TOMM20: variants seen among roughly 807,000 people sequenced by gnomAD.
TOMM20 encodes mitochondrial import receptor subunit TOM20 homolog.
Under a neutral mutation model 22.1 loss-of-function variants are expected in TOMM20, and 10 were observed. That is an observed-to-expected ratio of 0.45 (90% CI 0.28 to 0.77). TOMM20 has a LOEUF of 0.77. Among genes scored for constraint, TOMM20 ranks in the 30% least tolerant of loss-of-function variants. TOMM20 has a pLI of 0.13. For missense variants in TOMM20, 121 were observed against 172.2 expected, an observed-to-expected ratio of 0.70 and a Z score of 1.66; for synonymous variants, 55 against 61.4, an observed-to-expected ratio of 0.90 and a Z score of 0.49.
At chr1:235,125,637 T>A (rs563330467) in intron 1 of TOMM20, among the ~76,000 whole-genome samples, 3 of 151,848 alleles carry the variant, frequency 2.0e-5, no homozygotes, top group Admixed American at 6.6e-5. Context: ...ACTCAAAATT[T>A]AAAAAAAATT....
Position 235,122,319 on chromosome 1 carries a change from C to T in TOMM20, c.168+7G>A, listed in dbSNP as rs547354170. On this transcript the variant is annotated splice_region_variant and intron_variant, in intron 2 of 4. Transcript: ENST00000366607. Reference sequence around the variant, plus strand: ...ATATATAATTTAAACAGAAACCAGACTATTACCTTGGAAAGCCCAGCTCTC... The same window carrying T: ...ATATATAATTTAAACAGAAACCAGATTATTACCTTGGAAAGCCCAGCTCTC... 13 of 1,529,064 alleles carry T rather than the reference C, an allele frequency of 8.5e-6. No homozygotes were observed. The highest frequency in any genetic ancestry group is 2.1e-5 in the Admixed American group (1 of 47,402). 94.7% of individuals were successfully genotyped at this position (1,529,064 alleles called of 1,614,324 possible). A position where few individuals can be genotyped will look rare whatever the true frequency, so the allele number is the denominator to read the frequency against.
At chr1:235,125,378 C>T (rs919354728) in intron 1 of TOMM20, among the ~76,000 whole-genome samples, 4 of 152,116 alleles carry the variant, frequency 2.6e-5, no homozygotes, top group Admixed American at 1.3e-4. Flanking sequence ...CCATGCCCGG[C>T]TAAGTTTTTC....
chr1:235,116,028 T>C lies in TOMM20; in HGVS notation c.251-2118A>G, dbSNP rs527831279. 2.3e-3 allele frequency among the ~76,000 whole-genome samples: 350 copies of C among 152,342 alleles called. 2 individuals carry two copies. The highest frequency in any genetic ancestry group is 8.2e-3 in the African/African-American group (342 of 41,570). ...TATTGCAGTGAATAACGAGCTGTCC[T>C]TTGTCTCTAGCCCAGTGGTCTCATG... On this transcript the variant is annotated intron_variant, in intron 3 of 4. Transcript: ENST00000366607.
At chr1:235,113,386 G>A (rs948702094) in intron 4 of TOMM20, among the ~76,000 whole-genome samples, 1 of 152,156 alleles carries the variant, frequency 6.6e-6, no homozygotes, top group Non-Finnish European at 1.5e-5. Flanking sequence ...GTTTAGGCCC[G>A]AATGTGTAGG....
At chr1:235,117,001 G>A (rs374223995) in intron 3 of TOMM20, among the ~76,000 whole-genome samples, 111 of 151,390 alleles carry the variant, frequency 7.3e-4, no homozygotes, top group East Asian at 7.3e-3. Flanking sequence ...CGGGCGTGGT[G>A]GTGGGCGCCT....
intron 4 of TOMM20, 49 bp downstream of exon 4, chr1:235,113,719 C>A (rs763215775): frequency 6.4e-7 from 1 of 1,555,652 alleles, no homozygotes; most frequent in Admixed American, 2.0e-5. Context: ...CCTAATCATT[C>A]GATTCTAAAT....
intron 1 of TOMM20, among the ~76,000 whole-genome samples, chr1:235,125,916 A>G (rs1661009488): frequency 7.0e-6 from 1 of 141,866 alleles, no homozygotes; most frequent in Non-Finnish European, 1.6e-5. Context: ...CGCCCAGCTA[A>G]TTTTTTTTTT....
intron 3 of TOMM20, among the ~76,000 whole-genome samples, chr1:235,118,361 C>A (rs945571605): frequency 1.3e-5 from 2 of 152,206 alleles, no homozygotes; most frequent in African/African-American, 4.8e-5. Context: ...CAGAGCAACT[C>A]AGTATGCAGC....
In TOMM20 at chr1:235,128,619, T is replaced by C; in HGVS notation, c.97A>G (p.Asn33Asp). The C allele has an allele frequency of 1.9e-6, 3 of 1,613,158 alleles. No homozygotes were observed. The highest frequency in any genetic ancestry group is 1.7e-6 in the Non-Finnish European group (2 of 1,179,936). The change falls in exon 1 of 5, where the codon AAC becomes GAC. Residue 33 changes from asparagine to aspartate, a missense_variant. Physicochemically the swap from Asn to Asp is conservative, Grantham distance 23. Coordinates refer to ENST00000366607, the MANE Select transcript of TOMM20 (RefSeq NM_014765.3). ...CGTTCTCGAAGCCTGTTCTTGAAGT[T>C]GGGGTCACTTCGTCTTTTGCGGTCG... is the stretch of plus-strand genomic sequence containing the variant. Reference protein sequence around the residue: ...YFDRKRRSDPNFKNRLRERRK... With the variant: ...YFDRKRRSDPDFKNRLRERRK...
rs552002423 is a variant in TOMM20, at chr1:235,128,832, A to G, written c.-117T>C. 4.6e-6 allele frequency: 7 copies of G among 1,509,486 alleles called. No individual in the cohort carries two copies. In the South Asian group the frequency reaches 7.4e-5, roughly 16 times the overall value. The allele number at this position is 1,509,486 out of a possible 1,614,324, so 93.5% of individuals were successfully genotyped here. On this transcript the variant is annotated 5_prime_UTR_variant, in exon 1 of 5. Transcript: ENST00000366607. The stretch of plus-strand genomic sequence containing the variant: ...CCCGACGGCCGCGGGCCAGGAACAC[A>G]GAAAGGCCGAGCACACGCCACTTCC...
At chr1:235,122,587 G>C in intron 1 of TOMM20, 1 of 399,414 alleles carries the variant, frequency 2.5e-6, no homozygotes, top group Non-Finnish European at 4.5e-6. Flanking sequence ...CCTTCCCTTT[G>C]GGGCAGAAGA....
intron 4 of TOMM20, among the ~76,000 whole-genome samples, chr1:235,113,233 T>C (rs1572125998): frequency 6.6e-6 from 1 of 152,256 alleles, no homozygotes; most frequent in African/African-American, 2.4e-5. Flanking sequence ...AGTATATTAA[T>C]GCTATTTTGC....
In TOMM20 at chr1:235,128,808, C is replaced by T. The variant is rs1179556447; in HGVS notation, c.-93G>A. 6.4e-7 allele frequency: 1 copy of T among 1,566,578 alleles called. No homozygotes were observed. Among genetic ancestry groups the T allele is most frequent in the African/African-American group, 1.4e-5 (1 of 73,380 alleles). On this transcript the variant is annotated 5_prime_UTR_variant, in exon 1 of 5. Coordinates refer to ENST00000366607, the MANE Select transcript of TOMM20 (RefSeq NM_014765.3). Reference sequence around the variant, plus strand: ...TCAGAGCGGTCGGCGCAGCTCACACCCGACGGCCGCGGGCCAGGAACACAG... The same window carrying T: ...TCAGAGCGGTCGGCGCAGCTCACACTCGACGGCCGCGGGCCAGGAACACAG...
At chr1:235,113,680 C>T (rs1660779665) in intron 4 of TOMM20, 88 bp downstream of exon 4, 1 of 1,465,386 alleles carries the variant, frequency 6.8e-7, no homozygotes, top group African/African-American at 1.4e-5. Context: ...TTTATTTCAT[C>T]ATGTTCACTA....
intron 3 of TOMM20, among the ~76,000 whole-genome samples, chr1:235,116,133 A>G (rs4619036): frequency 0.17 from 26,132 of 152,104 alleles, 2,517 homozygotes; most frequent in Middle Eastern, 0.25. Context: ...ATGAACGGGA[A>G]CGGCGGCTCA....
chr1:235,116,949 C>T (rs557915457), intron 3 of TOMM20, among the ~76,000 whole-genome samples: 17 of 150,186 alleles, frequency 1.1e-4, no homozygotes, highest in East Asian at 2.0e-4. Flanking sequence ...TCCTGGCTAA[C>T]ATGGTGAAAC....
chr1:235,111,090 TAC>T lies in TOMM20; in HGVS notation c.*972_*973del, dbSNP rs1231666348. On this transcript the variant is annotated 3_prime_UTR_variant, in exon 5 of 5. Coordinates refer to ENST00000366607, the MANE Select transcript of TOMM20 (RefSeq NM_014765.3). ...TTACCTTAAAAGTTTCGGATTAATTTACAGAGTAGTGACAGAACCATATAATT... is the reference window on the plus strand; with the variant it reads ...TTACCTTAAAAGTTTCGGATTAATTTAGAGTAGTGACAGAACCATATAATT... 1 of 152,196 alleles carries T rather than the reference TAC, an allele frequency of 6.6e-6. No homozygotes were observed. The highest frequency in any genetic ancestry group is 2.4e-5 in the African/African-American group (1 of 41,438). The allele number at this position is 152,196 out of a possible 1,614,324, so 9.4% of individuals were successfully genotyped here. A position where few individuals can be genotyped will look rare whatever the true frequency, so the allele number is the denominator to read the frequency against.
In TOMM20 at chr1:235,128,639, C is replaced by T. The variant is rs1130507; in HGVS notation, c.77G>A (p.Arg26His). 6.2e-7 allele frequency: 1 copy of T among 1,613,656 alleles called. No individual in the cohort carries two copies. Among genetic ancestry groups the T allele is most frequent in the South Asian group, 1.1e-5 (1 of 91,066 alleles). The change falls in exon 1 of 5, where the codon CGC (arginine) becomes CAC (histidine). Residue 26 changes from arginine to histidine, a missense_variant. By Grantham distance (29) the Arg-to-His change is conservative (BLOSUM62 0). Coordinates refer to ENST00000366607, the MANE Select transcript of TOMM20 (RefSeq NM_014765.3). ...LFIGYCIYFDRKRRSDPNFKN... is the reference protein window; with the variant it reads ...LFIGYCIYFDHKRRSDPNFKN... ...GAAGTTGGGGTCACTTCGTCTTTTG[C>T]GGTCGAAGTAGATGCAGTACCCAAT...
In TOMM20 at chr1:235,117,687, T is replaced by G. The variant is rs4528200; in HGVS notation, c.250+2131A>C. Among the ~76,000 whole-genome samples, 163 of 152,104 alleles carry G rather than the reference T, an allele frequency of 1.1e-3. 1 individual carries two copies. Among genetic ancestry groups the G allele is most frequent in the Non-Finnish European group, 1.9e-3 (131 of 68,008 alleles). On this transcript the variant is annotated intron_variant, in intron 3 of 4. Coordinates refer to ENST00000366607, the MANE Select transcript of TOMM20 (RefSeq NM_014765.3). ...TGGTATATGTTTTCTGTGCTACCAATTGGCTGCTGTGGAAAGACTGAGAAA... is the reference window on the plus strand; with the variant it reads ...TGGTATATGTTTTCTGTGCTACCAAGTGGCTGCTGTGGAAAGACTGAGAAA...
Sources: allele counts gnomAD v4.1 joint callset (sites outside exome capture counted in the v4.1 genomes callset), GRCh38; gene constraint gnomAD v4.1.1; transcripts MANE v1.5; gene names NCBI Gene and HGNC (gene_info 2026-07-23, HGNC 2026-07-21).